Variants in TYW5 observed in about 807,000 individuals in gnomAD.
TYW5 encodes the protein tRNA wybutosine-synthesizing protein 5.
A neutral mutation model predicts 44.4 loss-of-function variants in TYW5; 36 were observed. The observed-to-expected ratio is 0.81, with a 90% confidence interval of 0.62 to 1.07. TYW5 has a LOEUF of 1.07. TYW5 is among the 50% of genes least tolerant of loss of function. TYW5 has a pLI of 0.00. For synonymous variants in TYW5, 121 were observed against 128.1 expected (o/e 0.94, Z 0.37); for missense variants, 354 against 365.7 (o/e 0.97, Z 0.26).
chr2:199,939,145 T>A, intron 4 of TYW5, 75 bp from the exon 5 acceptor site: 1 of 1,346,742 alleles, frequency 7.4e-7, no homozygotes, highest in African/African-American at 1.5e-5. Context: ...GGCAAAACTT[T>A]GTTCACTGCT....
intron 7 of TYW5, 81 bp downstream of exon 7, chr2:199,935,849 TA>T (rs371263004): frequency 0.084 from 55,979 of 668,118 alleles, no homozygotes; most frequent in South Asian, 0.12. Flanking sequence ...ATATTTGTAC[TA>T]AAAAAAAAAA....
intron 7 of TYW5, among the ~76,000 whole-genome samples, chr2:199,935,563 G>C (rs1304843064): frequency 6.7e-6 from 1 of 148,810 alleles, no homozygotes; most frequent in Non-Finnish European, 1.5e-5. Context: ...GCCCATGCTG[G>C]TCTTGCACTT....
In TYW5 at chr2:199,940,114, C is replaced by T; in HGVS notation, c.323G>A (p.Arg108Gln). 1.9e-6 allele frequency: 3 copies of T among 1,611,826 alleles called. No individual in the cohort carries two copies. Among genetic ancestry groups the T allele is most frequent in the African/African-American group, 1.3e-5 (1 of 74,812 alleles). The change falls in exon 4 of 8, where the codon CGG becomes CAG. Residue 108 changes from arginine to glutamine, a missense_variant. Transcript: ENST00000354611. ...FVSEDEKYYL[R>Q]SLGEDPRKDV... is the part of the protein sequence containing the mutation. ...CTTTCTAGGGTCTTCTCCAAGTGAC[C>T]GTAAGTAGTATTTCTCATCCTTAAA...
At chr2:199,939,101 T>A (rs765972516) in intron 4 of TYW5, 31 bp from the exon 5 acceptor site, 7 of 1,574,532 alleles carry the variant, frequency 4.4e-6, no homozygotes, top group Admixed American at 3.9e-5. Context: ...AAAGAAAAAA[T>A]TAGATTAGAC....
chr2:199,943,636 T>A (rs939169295), intron 3 of TYW5, 129 bp downstream of exon 3: 1 of 728,550 alleles, frequency 1.4e-6, no homozygotes. Flanking sequence ...CTGTGGTGCA[T>A]CCAACCAAAT....
At chr2:199,953,771 T>C (rs1286514276) in intron 1 of TYW5, among the ~76,000 whole-genome samples, 2 of 152,256 alleles carry the variant, frequency 1.3e-5, no homozygotes, top group African/African-American at 4.8e-5. Context: ...TATTAATTTC[T>C]AGTTTTACTG....
intron 1 of TYW5, among the ~76,000 whole-genome samples, chr2:199,951,947 A>G (rs1443032601): frequency 1.3e-5 from 2 of 151,760 alleles, no homozygotes; most frequent in East Asian, 1.9e-4. Flanking sequence ...AACCCGGGAG[A>G]CGGAGCTTGC....
At chr2:199,949,992 C>CA (rs944469856) in intron 1 of TYW5, among the ~76,000 whole-genome samples, 1 of 151,708 alleles carries the variant, frequency 6.6e-6, no homozygotes, top group Non-Finnish European at 1.5e-5. Flanking sequence ...TACATTATGG[C>CA]AAAAAAAAAG....
At chr2:199,937,525 C>T (rs1331621582) in intron 5 of TYW5, among the ~76,000 whole-genome samples, 3 of 151,750 alleles carry the variant, frequency 2.0e-5, no homozygotes, top group Non-Finnish European at 2.9e-5. Context: ...AAAAATTAGC[C>T]GGGTGTGGTT....
chr2:199,933,373 A>G, intron 7 of TYW5, 50 bp from the exon 8 acceptor site: 1 of 1,507,914 alleles, frequency 6.6e-7, no homozygotes, highest in African/African-American at 1.4e-5. Context: ...CAGTTAAAAA[A>G]AAACCCAAAA....
intron 2 of TYW5, chr2:199,946,781 T>C (rs1470482021): frequency 6.6e-6 from 1 of 152,198 alleles, no homozygotes; most frequent in Non-Finnish European, 1.5e-5. Flanking sequence ...ACCTATTTTT[T>C]TGGTTGCACT....
At chr2:199,947,116 AC>A (rs1328484254) in intron 2 of TYW5, 2 of 152,230 alleles carry the variant, frequency 1.3e-5, no homozygotes, top group African/African-American at 4.8e-5. Flanking sequence ...AATAACTAAA[AC>A]CATTATGGTG....
chr2:199,945,862 A>C (rs1378191471), intron 2 of TYW5: 1 of 152,254 alleles, frequency 6.6e-6, no homozygotes, highest in Non-Finnish European at 1.5e-5. Context: ...TACTAAGCCC[A>C]GATGGGGGAG....
At chr2:199,937,840 T>C (rs1358242235) in intron 5 of TYW5, among the ~76,000 whole-genome samples, 1 of 152,034 alleles carries the variant, frequency 6.6e-6, no homozygotes, top group Non-Finnish European at 1.5e-5. Context: ...CCCAAGAGGG[T>C]CTCAACTGAA....
rs2077452318 is a variant in TYW5, at chr2:199,940,116, T to C, written c.321A>G (p.Leu107=). Residue 107 remains leucine, a synonymous_variant, in exon 4 of 8, where the codon TTA becomes TTG. Coordinates refer to ENST00000354611, the MANE Select transcript of TYW5 (RefSeq NM_001039693.3). The stretch of plus-strand genomic sequence containing the variant: ...TTCTAGGGTCTTCTCCAAGTGACCG[T>C]AAGTAGTATTTCTCATCCTTAAACA... The part of the protein sequence containing the change: ...FFVSEDEKYY[L]RSLGEDPRKD... 1 of 1,612,736 alleles carries C rather than the reference T, an allele frequency of 6.2e-7. No homozygotes were observed. The highest frequency in any genetic ancestry group is 1.3e-5 in the African/African-American group (1 of 74,976).
rs2077389514 is a variant in TYW5, at chr2:199,932,771, A to G, written c.*296T>C. The stretch of plus-strand genomic sequence containing the variant: ...GACATTACTGAATCATTGGATCAGA[A>G]ACACTGCAGCACATTCTGTCAATAG... On this transcript the variant is annotated 3_prime_UTR_variant, in exon 8 of 8. Transcript: ENST00000354611. 1 of 308,124 alleles carries G rather than the reference A, an allele frequency of 3.2e-6. No homozygotes were observed. Among genetic ancestry groups the G allele is most frequent in the African/African-American group, 2.2e-5 (1 of 45,964 alleles). The allele number at this position is 308,124 out of a possible 1,614,324, so 19.1% of individuals were successfully genotyped here.
chr2:199,949,157 C>G (rs1209603086), intron 1 of TYW5, among the ~76,000 whole-genome samples: 1 of 151,808 alleles, frequency 6.6e-6, no homozygotes, highest in South Asian at 2.1e-4. Context: ...GAGTTGGAGA[C>G]CAGCTTGGGC....
chr2:199,941,743 A>G (rs1257904962), intron 3 of TYW5, among the ~76,000 whole-genome samples: 2 of 152,232 alleles, frequency 1.3e-5, no homozygotes, highest in Non-Finnish European at 2.9e-5. Context: ...CCTTCAAGAA[A>G]GAACTCACTG....
chr2:199,950,549 G>C (rs1330783450), intron 1 of TYW5, among the ~76,000 whole-genome samples: 1 of 152,152 alleles, frequency 6.6e-6, no homozygotes, highest in Non-Finnish European at 1.5e-5. Flanking sequence ...TCTTCCCCGG[G>C]TACTCTGGTT....
Sources: allele counts gnomAD v4.1 joint callset (sites outside exome capture counted in the v4.1 genomes callset), GRCh38; gene constraint gnomAD v4.1.1; transcripts MANE v1.5; gene names NCBI Gene and HGNC (gene_info 2026-07-23, HGNC 2026-07-21).